CNTNAP2: variants seen among roughly 807,000 people sequenced by gnomAD.
CNTNAP2 encodes contactin-associated protein-like 2.
Under a neutral mutation model 155.2 loss-of-function variants are expected in CNTNAP2, and 98 were observed. The ratio of observed to expected loss-of-function variants is 0.63; its 90% CI spans 0.54 to 0.75. The LOEUF is 0.75. CNTNAP2 is among the 30% of genes least tolerant of loss of function. The probability of loss-of-function intolerance (pLI) is 0.00; values close to 1 mark genes in which losing one functional copy is unlikely to be tolerated. For synonymous variants in CNTNAP2, 651 were observed against 631.2 expected, an observed-to-expected ratio of 1.03 and a Z score of -0.47; for missense variants, 1,727 against 1,688.1, an observed-to-expected ratio of 1.02 and a Z score of -0.40.
chr7:147,925,221 T>C lies in CNTNAP2; in HGVS notation c.2255+21500T>C, dbSNP rs535600557. On this transcript the variant is annotated intron_variant, in intron 14 of 23. Coordinates refer to ENST00000361727, the MANE Select transcript of CNTNAP2 (RefSeq NM_014141.6). ...AAGGAAGGAAGGAAAGAAGGAGCAG[T>C]TTTAGGTTCACAGCAAAGTACCCCC... Among the ~76,000 whole-genome samples, 64 of 134,102 alleles carry C rather than the reference T, an allele frequency of 4.8e-4. 1 individual carries two copies. Among genetic ancestry groups the C allele is most frequent in the South Asian group, 1.0e-3 (4 of 3,938 alleles). 88.0% of individuals were successfully genotyped at this position (134,102 alleles called of 152,430 possible). A position where few individuals can be genotyped will look rare whatever the true frequency, so the allele number is the denominator to read the frequency against.
intron 4 of CNTNAP2, among the ~76,000 whole-genome samples, chr7:147,058,693 G>A (rs1487886956): frequency 6.6e-6 from 1 of 152,120 alleles, no homozygotes; most frequent in Non-Finnish European, 1.5e-5. Flanking sequence ...TGCAACCTCT[G>A]CCTCCCGGGT....
chr7:146,148,837 A>T (rs549013442), intron 1 of CNTNAP2, among the ~76,000 whole-genome samples: 1 of 152,286 alleles, frequency 6.6e-6, no homozygotes, highest in African/African-American at 2.4e-5. Flanking sequence ...AAAAGGAAGA[A>T]GTAATAGAGC....
chr7:146,787,800 C>T (rs776407440), intron 2 of CNTNAP2, among the ~76,000 whole-genome samples: 1 of 152,116 alleles, frequency 6.6e-6, no homozygotes, highest in Non-Finnish European at 1.5e-5. Flanking sequence ...GGTGCATTTA[C>T]AGTCCTTTAG....
At chr7:147,151,966 A>G (rs1801836559) in intron 8 of CNTNAP2, among the ~76,000 whole-genome samples, 1 of 152,160 alleles carries the variant, frequency 6.6e-6, no homozygotes, top group Non-Finnish European at 1.5e-5. Flanking sequence ...TTTGCATCCA[A>G]ATTCATTTTC....
intron 3 of CNTNAP2, among the ~76,000 whole-genome samples, chr7:147,008,300 T>C (rs1455272436): frequency 6.6e-6 from 1 of 152,034 alleles, no homozygotes; most frequent in East Asian, 1.9e-4. Context: ...ATTTCTAATA[T>C]ATAAGGAGAG....
At chr7:147,589,873 C>G (rs1474541194) in intron 12 of CNTNAP2, among the ~76,000 whole-genome samples, 4 of 152,054 alleles carry the variant, frequency 2.6e-5, no homozygotes, top group African/African-American at 9.7e-5. Context: ...AACTATGTCC[C>G]AAAGGGGTGG....
At chr7:147,875,067 C>G (rs1799399865) in intron 13 of CNTNAP2, among the ~76,000 whole-genome samples, 1 of 152,316 alleles carries the variant, frequency 6.6e-6, no homozygotes, top group African/African-American at 2.4e-5. Context: ...CTACATCGTC[C>G]TGTCTTCTTC....
intron 13 of CNTNAP2, among the ~76,000 whole-genome samples, chr7:147,855,880 C>T (rs1799026996): frequency 6.6e-6 from 1 of 152,106 alleles, no homozygotes; most frequent in Non-Finnish European, 1.5e-5. Flanking sequence ...AGATGTTCTG[C>T]CCATGTCGAT....
At chr7:148,411,805 T>C (rs1799846005) in intron 23 of CNTNAP2, among the ~76,000 whole-genome samples, 1 of 152,066 alleles carries the variant, frequency 6.6e-6, no homozygotes, top group Admixed American at 6.6e-5. Flanking sequence ...AACTATACTT[T>C]TCCTCAATTG....
chr7:146,394,593 CTG>C (rs1289152254), intron 1 of CNTNAP2, among the ~76,000 whole-genome samples: 2 of 152,050 alleles, frequency 1.3e-5, no homozygotes, highest in Non-Finnish European at 2.9e-5. Flanking sequence ...AGGAGGCAAA[CTG>C]AGAGTATTTA....
chr7:148,369,561 A>G (rs1371493347), intron 21 of CNTNAP2, among the ~76,000 whole-genome samples: 1 of 151,942 alleles, frequency 6.6e-6, no homozygotes, highest in Non-Finnish European at 1.5e-5. Flanking sequence ...ATTTAAGCCA[A>G]GATCTAAGGG....
intron 11 of CNTNAP2, among the ~76,000 whole-genome samples, chr7:147,556,213 CT>C (rs2116774866): frequency 6.6e-6 from 1 of 152,192 alleles, no homozygotes; most frequent in South Asian, 2.1e-4. Context: ...CTTAATATAC[CT>C]TGTGTTCATC....
chr7:147,995,726 G>C (rs1016895444), intron 15 of CNTNAP2, among the ~76,000 whole-genome samples: 4 of 151,964 alleles, frequency 2.6e-5, no homozygotes, highest in Non-Finnish European at 5.9e-5. Flanking sequence ...TGTTAGCCAG[G>C]ATGGTCACAA....
chr7:147,505,597 G>A (rs1042243436), intron 11 of CNTNAP2, among the ~76,000 whole-genome samples: 5 of 152,198 alleles, frequency 3.3e-5, no homozygotes, highest in African/African-American at 7.2e-5. Context: ...GCAAAAGAGC[G>A]AGGAGATTAA....
At chr7:147,723,826 T>C (rs1456538800) in intron 13 of CNTNAP2, among the ~76,000 whole-genome samples, 1 of 152,000 alleles carries the variant, frequency 6.6e-6, no homozygotes, top group Non-Finnish European at 1.5e-5. Flanking sequence ...TGCCTAACGA[T>C]CAAGTCAGGG....
At chr7:147,405,132 A>T (rs1322227108) in intron 10 of CNTNAP2, among the ~76,000 whole-genome samples, 1 of 152,350 alleles carries the variant, frequency 6.6e-6, no homozygotes, top group East Asian at 1.9e-4. Flanking sequence ...AAGTAATGTC[A>T]GAAAAACAGT....
At chr7:147,279,124 T>C (rs1273667544) in intron 8 of CNTNAP2, among the ~76,000 whole-genome samples, 1 of 151,826 alleles carries the variant, frequency 6.6e-6, no homozygotes, top group African/African-American at 2.4e-5. Context: ...CATTTTGACA[T>C]GTTATAATCT....
At chr7:146,940,736 TACAC>T (rs1260123503) in intron 3 of CNTNAP2, among the ~76,000 whole-genome samples, 10 of 151,728 alleles carry the variant, frequency 6.6e-5, no homozygotes, top group Admixed American at 6.6e-5. Flanking sequence ...TGTATATATA[TACAC>T]ACACACTGCA....
At chr7:146,422,769 G>C (rs1796030961) in intron 1 of CNTNAP2, among the ~76,000 whole-genome samples, 2 of 152,090 alleles carry the variant, frequency 1.3e-5, no homozygotes. Context: ...TTGCTGACCT[G>C]AACCATCACA....
Sources: gnomAD v4.1 joint callset for allele counts (sites outside exome capture counted in the v4.1 genomes callset) on GRCh38, gnomAD v4.1.1 for gene constraint, MANE v1.5 for transcripts, NCBI Gene and HGNC (gene_info 2026-07-23, HGNC 2026-07-21) for gene names.